TMEM120A: variants seen among roughly 807,000 people sequenced by gnomAD.
TMEM120A encodes the protein transmembrane protein 120A.
Under a neutral mutation model 54.3 loss-of-function variants are expected in TMEM120A, and 45 were observed. The ratio of observed to expected loss-of-function variants is 0.83; its 90% CI spans 0.65 to 1.06. The LOEUF is 1.06. TMEM120A is among the 50% of genes least tolerant of loss of function. The pLI, the probability that TMEM120A is intolerant of heterozygous loss-of-function variation, is 0.00. For synonymous variants in TMEM120A, 204 were observed against 178.5 expected (o/e 1.14, Z -1.14); for missense variants, 424 against 441.7 (o/e 0.96, Z 0.36).
At position 75,992,276 on chromosome 7, in the gene TMEM120A, G is replaced by A. The variant is rs782421855; in HGVS notation, c.201-16C>T. ...GGGTTTGCATCTGCGGGTAAGGCCA[G>A]AAACAGTCAGGGCAAGAGGACTCCC... On this transcript the variant is annotated splice_polypyrimidine_tract_variant and intron_variant, in intron 2 of 11. Transcript: ENST00000493111. 5.0e-6 allele frequency: 8 copies of A among 1,595,716 alleles called. No homozygotes were observed. The highest frequency in any genetic ancestry group is 6.8e-6 in the Non-Finnish European group (8 of 1,170,268).
Position 75,988,330 on chromosome 7 carries a change from G to A in TMEM120A, c.485C>T (p.Ala162Val). The A allele has an allele frequency of 1.2e-6, 2 of 1,611,182 alleles. No individual in the cohort carries two copies. ...RFLLNSRVTDAAFNFLLVWYY... is the reference protein window; with the variant it reads ...RFLLNSRVTDVAFNFLLVWYY... Reference sequence around the variant, plus strand: ...CCAGACCAGCAGGAAGTTGAAGGCAGCATCTGTCACCCTGCGGAGGGAGGG... The same window carrying A: ...CCAGACCAGCAGGAAGTTGAAGGCAACATCTGTCACCCTGCGGAGGGAGGG... The change falls in exon 6 of 12, where the codon GCT becomes GTT. Residue 162 changes from alanine to valine, a missense_variant. Ala to Val is a moderately conservative substitution (Grantham distance 64). Transcript: ENST00000493111.
chr7:75,987,927 G>A lies in TMEM120A; in HGVS notation c.687C>T (p.Tyr229=). 1.2e-6 allele frequency: 2 copies of A among 1,603,182 alleles called. No homozygotes were observed. The highest frequency in any genetic ancestry group is 1.7e-6 in the Non-Finnish European group (2 of 1,175,424). ...FRNQFLSFSM[Y]QSFVQFLQYY... is the part of the protein sequence containing the mutation. ...ACAGACATCTGGGACACTCACTCTG[G>A]TACATGGAAAAGGAGAGGAATTGGT... is the stretch of plus-strand genomic sequence containing the variant. Residue 229 remains tyrosine (Y), a synonymous_variant, in exon 8 of 12, where the codon TAC becomes TAT. Transcript: ENST00000493111.
chr7:75,990,071 C>T (rs1789776457), intron 3 of TMEM120A, among the ~76,000 whole-genome samples: 1 of 152,188 alleles, frequency 6.6e-6, no homozygotes, highest in Non-Finnish European at 1.5e-5. Context: ...ACTTCTGGGA[C>T]AGCCATGCTT....
At position 75,986,849 on chromosome 7, in the gene TMEM120A, T is replaced by C. The variant is rs1468789483; in HGVS notation, c.*323A>G. 1.7e-6 allele frequency: 1 copy of C among 574,132 alleles called. No individual in the cohort carries two copies. The highest frequency in any genetic ancestry group is 3.3e-5 in the Admixed American group (1 of 30,148). 35.6% of individuals were successfully genotyped at this position (574,132 alleles called of 1,614,324 possible). A position where few individuals can be genotyped will look rare whatever the true frequency, so the allele number is the denominator to read the frequency against. On this transcript the variant is annotated 3_prime_UTR_variant, in exon 12 of 12. Coordinates refer to ENST00000493111, the MANE Select transcript of TMEM120A (RefSeq NM_031925.3). The stretch of plus-strand genomic sequence containing the variant: ...CTGGCCCTTGGAATAAAGTTCTGTT[T>C]TCTGTATTTGCCTGGTATTGTGTGA...
intron 3 of TMEM120A, among the ~76,000 whole-genome samples, chr7:75,990,691 C>A (rs147346518): frequency 0.011 from 1,649 of 152,048 alleles, 25 homozygotes; most frequent in African/African-American, 0.036. Flanking sequence ...CGAGACCAGC[C>A]TGACCAACAT....
intron 1 of TMEM120A, among the ~76,000 whole-genome samples, chr7:75,992,897 G>C (rs1554562201): frequency 6.6e-6 from 1 of 152,172 alleles, no homozygotes; most frequent in Non-Finnish European, 1.5e-5. Context: ...CCGCCTCCCG[G>C]GTTCAAACCA....
intron 3 of TMEM120A, among the ~76,000 whole-genome samples, chr7:75,991,578 G>T (rs1789845295): frequency 6.6e-6 from 1 of 151,948 alleles, no homozygotes; most frequent in African/African-American, 2.4e-5. Flanking sequence ...GCTAATTTTT[G>T]TATTTTTAGT....
At chr7:75,989,426 C>G (rs897025277) in intron 3 of TMEM120A, among the ~76,000 whole-genome samples, 1 of 151,724 alleles carries the variant, frequency 6.6e-6, no homozygotes, top group Non-Finnish European at 1.5e-5. Flanking sequence ...CCGCCTGCTC[C>G]GGAATCCTGA....
rs1789663369 is a variant in TMEM120A, at chr7:75,988,623, CGGGTTGGGGGGTGGAGGGGAAGGCCAGGT to C, written c.378-136_378-108del. The C allele has an allele frequency of 1.1e-4, 30 of 283,822 alleles. 1 individual carries two copies. Among genetic ancestry groups the C allele is most frequent in the Non-Finnish European group, 1.3e-4 (19 of 150,552 alleles). 17.6% of individuals were successfully genotyped at this position (283,822 alleles called of 1,614,324 possible). ...AGGGTAGTCGGATGGAGGAGAAGGC[CGGGTTGGGGGGTGGAGGGGAAGGCCAGGT>C]GGGGTGGGGGGTGGAGGGGAAAACC... On this transcript the variant is annotated intron_variant, in intron 4 of 11. Transcript: ENST00000493111.
chr7:75,992,248 G>A lies in TMEM120A; in HGVS notation c.213C>T (p.Ser71=), dbSNP rs1554561988. Residue 71 remains serine, a synonymous_variant, in exon 3 of 12, where the codon TCC becomes TCT. Transcript: ENST00000493111. ...LALALKKCKP[S]LPAEAEGAAQ... ...CGGCCCCCTCGGCCTCTGCTGGGAG[G>A]GAGGGTTTGCATCTGCGGGTAAGGC... The A allele has an allele frequency of 6.2e-7, 1 of 1,608,792 alleles. No individual in the cohort carries two copies. The highest frequency in any genetic ancestry group is 8.5e-7 in the Non-Finnish European group (1 of 1,177,444).
intron 3 of TMEM120A, among the ~76,000 whole-genome samples, chr7:75,990,691 C>G (rs147346518): frequency 6.6e-6 from 1 of 151,938 alleles, no homozygotes; most frequent in Admixed American, 6.6e-5. Flanking sequence ...CGAGACCAGC[C>G]TGACCAACAT....
chr7:75,988,610 T>A, intron 4 of TMEM120A, 94 bp from the exon 5 acceptor site: 1 of 529,808 alleles, frequency 1.9e-6, no homozygotes, highest in South Asian at 1.5e-5. Context: ...GGTAGTCGGA[T>A]GGAGGAGAAG....
At position 75,987,059 on chromosome 7, in the gene TMEM120A, A is replaced by G; in HGVS notation, c.*113T>C. On this transcript the variant is annotated 3_prime_UTR_variant, in exon 12 of 12. Coordinates refer to ENST00000493111, the MANE Select transcript of TMEM120A (RefSeq NM_031925.3). Reference sequence around the variant, plus strand: ...AGGGCCCACAGCGCCCATAAAACCCAAGGGAGAATAGAAGAGACCCCCTGA... The same window carrying G: ...AGGGCCCACAGCGCCCATAAAACCCGAGGGAGAATAGAAGAGACCCCCTGA... The G allele has an allele frequency of 1.1e-6, 1 of 915,486 alleles. No individual in the cohort carries two copies. The highest frequency in any genetic ancestry group is 1.7e-6 in the Non-Finnish European group (1 of 591,642). The allele number at this position is 915,486 out of a possible 1,614,324, so 56.7% of individuals were successfully genotyped here. A position where few individuals can be genotyped will look rare whatever the true frequency, so the allele number is the denominator to read the frequency against.
chr7:75,994,413 C>T (rs929636157), intron 1 of TMEM120A, 77 bp downstream of exon 1: 25 of 1,372,262 alleles, frequency 1.8e-5, no homozygotes, highest in Non-Finnish European at 2.2e-5. Context: ...ACTGCCTGAC[C>T]CAGGGCTGCC....
At chr7:75,992,671 G>A (rs1004163099) in intron 1 of TMEM120A, 114 bp from the exon 2 acceptor site, 52 of 719,798 alleles carry the variant, frequency 7.2e-5, no homozygotes, top group Non-Finnish European at 9.6e-5. Flanking sequence ...TTCGCTCAGC[G>A]GGAAAGGAGG....
intron 3 of TMEM120A, among the ~76,000 whole-genome samples, chr7:75,989,705 G>T (rs1789761006): frequency 6.6e-6 from 1 of 151,928 alleles, no homozygotes; most frequent in Non-Finnish European, 1.5e-5. Context: ...TCAGAGCTCT[G>T]ACTGTGGGCT....
chr7:75,993,630 C>G (rs1208203769), intron 1 of TMEM120A, among the ~76,000 whole-genome samples: 1 of 152,234 alleles, frequency 6.6e-6, no homozygotes, highest in Non-Finnish European at 1.5e-5. Context: ...GCAGTTGGAA[C>G]CAGTCCAGGA....
chr7:75,989,730 A>T (rs1364300363), intron 3 of TMEM120A, among the ~76,000 whole-genome samples: 2 of 151,914 alleles, frequency 1.3e-5, no homozygotes, highest in African/African-American at 4.8e-5. Flanking sequence ...CCAAGTACTC[A>T]GCCTCCCGGG....
intron 3 of TMEM120A, among the ~76,000 whole-genome samples, chr7:75,991,429 A>G (rs1269512019): frequency 6.6e-6 from 1 of 151,934 alleles, no homozygotes; most frequent in Non-Finnish European, 1.5e-5. Context: ...TTTTTAAGAC[A>G]GAGTCTCACT....
Sources: gnomAD v4.1 joint callset for allele counts (sites outside exome capture counted in the v4.1 genomes callset) on GRCh38, gnomAD v4.1.1 for gene constraint, MANE v1.5 for transcripts, NCBI Gene and HGNC (gene_info 2026-07-23, HGNC 2026-07-21) for gene names.